The following SRPK1 variants were observed in gnomAD, a reference collection of about 807,000 sequenced individuals.
The protein encoded by SRPK1 is SRSF protein kinase 1.
In SRPK1, 52 loss-of-function variants were observed where a neutral mutation model predicts 89.5. The observed-to-expected ratio is 0.58, with a 90% CI of 0.46 to 0.73. SRPK1 has a LOEUF of 0.73. Ranked by LOEUF, SRPK1 falls within the 30% of genes least tolerant of loss-of-function variation. The pLI is 0.00. For missense variants in SRPK1, 603 were observed against 780.6 expected (o/e 0.77, Z 2.71); for synonymous variants, 255 against 270.2 (o/e 0.94, Z 0.55).
intron 2 of SRPK1, among the ~76,000 whole-genome samples, chr6:35,919,640 T>C (rs1193275083): frequency 6.6e-6 from 1 of 152,232 alleles, no homozygotes; most frequent in Non-Finnish European, 1.5e-5. Context: ...AGGCTTAGCC[T>C]CACTTGCTGC....
chr6:35,871,515 C>A (rs1351166870), intron 8 of SRPK1, among the ~76,000 whole-genome samples: 1 of 152,196 alleles, frequency 6.6e-6, no homozygotes, highest in Non-Finnish European at 1.5e-5. Flanking sequence ...ACACTATTCA[C>A]ACTGTTGTAT....
chr6:35,906,211 AC>A (rs1242257035), intron 2 of SRPK1, among the ~76,000 whole-genome samples: 1 of 152,128 alleles, frequency 6.6e-6, no homozygotes, highest in African/African-American at 2.4e-5. Flanking sequence ...CACACATGAT[AC>A]AACATGCACG....
intron 13 of SRPK1, among the ~76,000 whole-genome samples, chr6:35,846,431 A>T (rs1769428254): frequency 6.6e-6 from 1 of 152,060 alleles, no homozygotes; most frequent in African/African-American, 2.4e-5. Context: ...CTCTACCAAA[A>T]ATACAAAAAA....
At chr6:35,901,471 C>T (rs745897845) in intron 2 of SRPK1, among the ~76,000 whole-genome samples, 1 of 152,194 alleles carries the variant, frequency 6.6e-6, no homozygotes, top group Non-Finnish European at 1.5e-5. Flanking sequence ...AAGGAATCAA[C>T]CCTCTGACAC....
Position 35,872,745 on chromosome 6 carries a change from T to A in SRPK1, c.586-17A>T. On this transcript the variant is annotated splice_polypyrimidine_tract_variant and intron_variant, in intron 7 of 15. Transcript: ENST00000373825. ...CTGTAACACCTGAATGGAAATAGAG[T>A]GGCAGACTTGCAAACACAAAATACA... 6.4e-7 allele frequency: 1 copy of A among 1,574,244 alleles called. No individual in the cohort carries two copies. The highest frequency in any genetic ancestry group is 8.6e-7 in the Non-Finnish European group (1 of 1,163,956).
intron 2 of SRPK1, among the ~76,000 whole-genome samples, chr6:35,906,625 T>C (rs1014407616): frequency 1.3e-5 from 2 of 152,246 alleles, no homozygotes; most frequent in African/African-American, 4.8e-5. Context: ...GCACAGAAAG[T>C]AGATTAGTGG....
intron 2 of SRPK1, chr6:35,920,016 C>T (rs1028227545): frequency 1.3e-5 from 6 of 453,612 alleles, no homozygotes; most frequent in African/African-American, 8.0e-5. Flanking sequence ...GTTGGTAGAA[C>T]CCAAAGTAAA....
intron 12 of SRPK1, among the ~76,000 whole-genome samples, chr6:35,860,196 T>C (rs1769752041): frequency 1.3e-5 from 2 of 152,078 alleles, no homozygotes; most frequent in Non-Finnish European, 2.9e-5. Flanking sequence ...ATGGTTTGAA[T>C]GTTTGTCCCC....
intron 2 of SRPK1, among the ~76,000 whole-genome samples, chr6:35,911,703 C>A (rs974900488): frequency 6.6e-6 from 1 of 151,890 alleles, no homozygotes; most frequent in East Asian, 2.0e-4. Flanking sequence ...GTAGCTAGGA[C>A]CACAGGTGCA....
chr6:35,860,268 A>G (rs1173252593), intron 12 of SRPK1, among the ~76,000 whole-genome samples: 3 of 152,164 alleles, frequency 2.0e-5, no homozygotes, highest in Non-Finnish European at 4.4e-5. Context: ...GAGACCTTTT[A>G]GCCTTTAAGA....
chr6:35,900,632 G>A (rs1198100339), intron 2 of SRPK1, among the ~76,000 whole-genome samples: 1 of 152,196 alleles, frequency 6.6e-6, no homozygotes, highest in Non-Finnish European at 1.5e-5. Flanking sequence ...GCTCTACAAT[G>A]TCAGGCTATG....
chr6:35,909,187 C>T (rs969832493), intron 2 of SRPK1, among the ~76,000 whole-genome samples: 2 of 152,226 alleles, frequency 1.3e-5, no homozygotes, highest in African/African-American at 2.4e-5. Flanking sequence ...GCACTCAATG[C>T]CAGTCCATGA....
rs142354927 is a variant in SRPK1, at chr6:35,880,474, G to A, written c.479-6135C>T. ...ACGGTGGCTCACGCCTGTAATCCCA[G>A]CACTTTGGGAGGCCAAGGCAAGTGG... On this transcript the variant is annotated intron_variant, in intron 6 of 15. Transcript: ENST00000373825. 3.8e-3 allele frequency among the ~76,000 whole-genome samples: 580 copies of A among 151,980 alleles called. 2 individuals carry two copies. Among genetic ancestry groups the A allele is most frequent in the African/African-American group, 0.013 (545 of 41,466 alleles).
chr6:35,905,072 A>G (rs968378061), intron 2 of SRPK1: 12 of 352,610 alleles, frequency 3.4e-5, no homozygotes, highest in Non-Finnish European at 4.9e-5. Context: ...GCTTGAGCCC[A>G]GGAGTTTGAG....
intron 7 of SRPK1, among the ~76,000 whole-genome samples, chr6:35,873,206 T>A (rs1770071460): frequency 6.6e-6 from 1 of 152,228 alleles, no homozygotes; most frequent in Admixed American, 6.5e-5. Context: ...AAATCTATAC[T>A]GTATATTGAA....
chr6:35,842,500 A>G (rs1441232519), intron 14 of SRPK1, 35 bp downstream of exon 14: 52 of 1,547,354 alleles, frequency 3.4e-5, no homozygotes, highest in Non-Finnish European at 4.6e-5. Flanking sequence ...AAGTGTAAAT[A>G]CCACGCACAC....
rs1771213498 is a variant in SRPK1 at position 35,920,593 on chromosome 6, G to A, written c.14-65C>T. On this transcript the variant is annotated intron_variant, in intron 1 of 15. Coordinates refer to ENST00000373825, the MANE Select transcript of SRPK1 (RefSeq NM_003137.5). ...AAAGGAGGCGACCAAGGTGAGGGTG[G>A]AGACCCAGCAGGGGCGCCAGGCCCG... 15 of 1,519,836 alleles carry A rather than the reference G, an allele frequency of 9.9e-6. 2 individuals are homozygous for A. Among genetic ancestry groups the A allele is most frequent in the Middle Eastern group, 4.6e-4 (2 of 4,386 alleles). The allele number at this position is 1,519,836 out of a possible 1,614,324, so 94.1% of individuals were successfully genotyped here.
At chr6:35,850,275 A>C (rs1430320689) in intron 13 of SRPK1, among the ~76,000 whole-genome samples, 4 of 152,176 alleles carry the variant, frequency 2.6e-5, no homozygotes, top group Admixed American at 2.6e-4. Context: ...GTTTTGTTCA[A>C]ATTTTGTTTA....
intron 6 of SRPK1, among the ~76,000 whole-genome samples, chr6:35,885,298 C>CAGAGAGAGAGAG (rs138504486): frequency 4.4e-5 from 5 of 113,182 alleles, no homozygotes; most frequent in East Asian, 2.9e-4. Flanking sequence ...CACACACACA[C>CAGAGAGAGAGAG]AGAGAGAGAG....
Sources: allele counts gnomAD v4.1 joint callset (sites outside exome capture counted in the v4.1 genomes callset), GRCh38; gene constraint gnomAD v4.1.1; transcripts MANE v1.5; gene names NCBI Gene and HGNC (gene_info 2026-07-23, HGNC 2026-07-21).